The following RPS5 variants were observed in gnomAD, a reference collection of about 807,000 sequenced individuals.
RPS5 encodes ribosomal protein S5, also known as small ribosomal subunit protein uS7.
In RPS5, 2 loss-of-function variants were observed where a neutral mutation model predicts 20.9. The observed-to-expected ratio is 0.10, with a 90% CI of 0.04 to 0.30. The LOEUF (loss-of-function observed/expected upper bound fraction) is 0.30, where lower values mean the gene tolerates loss of function less well. Ranked by LOEUF, RPS5 falls within the 10% of genes least tolerant of loss-of-function variation. RPS5 has a pLI of 1.00. For missense variants in RPS5, 122 were observed against 287.2 expected, an observed-to-expected ratio of 0.42 and a Z score of 4.16; for synonymous variants, 112 against 105.8, an observed-to-expected ratio of 1.06 and a Z score of -0.36.
At chr19:58,391,894 C>G (rs1377848143) in intron 2 of RPS5, among the ~76,000 whole-genome samples, 1 of 152,052 alleles carries the variant, frequency 6.6e-6, no homozygotes, top group Non-Finnish European at 1.5e-5. Context: ...CCACTGCCCT[C>G]CAGCCTGGAA....
At position 58,394,504 on chromosome 19, in the gene RPS5, G is replaced by T; in HGVS notation, c.455G>T (p.Trp152Leu). The change falls in exon 5 of 6, where the codon TGG (tryptophan) becomes TTG (leucine). Residue 152 changes from tryptophan to leucine, a missense_variant. By Grantham distance (61) the Trp-to-Leu change is moderately conservative. Around this residue, in one of 6 missense-constraint regions of RPS5, gnomAD observed 24 missense variants for 36.7 expected, o/e 0.65. Transcript: ENST00000196551. Reference sequence around the variant, plus strand: ...CCCCTGCTGTCTTCCTAGGCCATCTGGCTGCTGTGCACAGGCGCTCGTGAG... The same window carrying T: ...CCCCTGCTGTCTTCCTAGGCCATCTTGCTGCTGTGCACAGGCGCTCGTGAG... ...SPLRRVNQAI[W>L]LLCTGAREAA... is the part of the protein sequence containing the mutation. 1 of 1,614,012 alleles carries T rather than the reference G, an allele frequency of 6.2e-7. No individual in the cohort carries two copies. Among genetic ancestry groups the T allele is most frequent in the Non-Finnish European group, 8.5e-7 (1 of 1,179,998 alleles).
intron 4 of RPS5, 161 bp from the exon 5 acceptor site, chr19:58,394,334 CTT>C: frequency 1.6e-6 from 1 of 626,246 alleles, no homozygotes; most frequent in Non-Finnish European, 2.9e-6. Context: ...GACACTTGCT[CTT>C]GTGACCCTCT....
chr19:58,393,183 G>A lies in RPS5; in HGVS notation c.316G>A (p.Glu106Lys). The change falls in exon 3 of 6, where the codon GAG becomes AAG. Residue 106 changes from glutamate (E) to lysine (K), a missense_variant and splice_region_variant. Physicochemically the swap from Glu to Lys is moderately conservative, Grantham distance 56. Coordinates refer to ENST00000196551, the MANE Select transcript of RPS5 (RefSeq NM_001009.4). ...AFEIIHLLTG[E>K]NPLQVLVNAI... ...CGAGATCATACACCTGCTCACAGGC[G>A]AGGTAGGGCTCTGTGGCCTGGTGAG... 1.2e-6 allele frequency: 2 copies of A among 1,614,168 alleles called. No individual in the cohort carries two copies. The highest frequency in any genetic ancestry group is 8.5e-7 in the Non-Finnish European group (1 of 1,180,018).
chr19:58,388,512 C>T (rs983635709), intron 2 of RPS5: 2 of 532,394 alleles, frequency 3.8e-6, no homozygotes, highest in African/African-American at 3.9e-5. Flanking sequence ...TAGTAAAATA[C>T]ATAACATCCA....
intron 4 of RPS5, chr19:58,393,703 T>TTGGGTGTATATTTTTACAC: frequency 1.7e-6 from 1 of 585,242 alleles, no homozygotes; most frequent in Non-Finnish European, 3.0e-6. Flanking sequence ...TTTCTTTCCT[T>TTGGGTGTATATTTTTACAC]TGGGTGTATA....
Position 58,394,545 on chromosome 19 carries a change from A to G in RPS5, c.496A>G (p.Ile166Val). The change falls in exon 5 of 6, where the codon ATT becomes GTT. Residue 166 changes from isoleucine (I) to valine (V), a missense_variant. By Grantham distance (29) the Ile-to-Val change is conservative. Around this residue, in one of 6 missense-constraint regions of RPS5, gnomAD observed 24 missense variants for 36.7 expected, o/e 0.65. Transcript: ENST00000196551. ...TGAREAAFRN[I>V]KTIAECLADE... ...CGCTCGTGAGGCTGCCTTCCGGAAC[A>G]TTAAGACCATTGCTGAGTGCCTGGC... is the stretch of plus-strand genomic sequence containing the variant. 6.2e-7 allele frequency: 1 copy of G among 1,614,124 alleles called. No homozygotes were observed. Among genetic ancestry groups the G allele is most frequent in the Non-Finnish European group, 8.5e-7 (1 of 1,180,030 alleles).
intron 2 of RPS5, among the ~76,000 whole-genome samples, chr19:58,390,008 TCTCAGC>T (rs1257809846): frequency 6.7e-6 from 1 of 149,920 alleles, no homozygotes; most frequent in African/African-American, 2.5e-5. Flanking sequence ...GATTCTCCTG[TCTCAGC>T]CTCCCAAGTA....
At chr19:58,388,840 A>T (rs920908094) in intron 2 of RPS5, among the ~76,000 whole-genome samples, 2 of 151,918 alleles carry the variant, frequency 1.3e-5, no homozygotes, top group African/African-American at 4.8e-5. Context: ...CGAGTTAGCC[A>T]GGATGGTCTC....
rs1422063971 is a variant in RPS5, at chr19:58,392,964, C to G, written c.109-12C>G. The G allele has an allele frequency of 1.2e-6, 2 of 1,612,184 alleles. No homozygotes were observed. Among genetic ancestry groups the G allele is most frequent in the Admixed American group, 1.7e-5 (1 of 59,962 alleles). ...CCATTTTCCCTTCATTTCCTGCTCC[C>G]TGCTGCCCCAGGATTACATTGCAGT... On this transcript the variant is annotated splice_polypyrimidine_tract_variant and intron_variant, in intron 2 of 5. Coordinates refer to ENST00000196551, the MANE Select transcript of RPS5 (RefSeq NM_001009.4).
intron 2 of RPS5, among the ~76,000 whole-genome samples, chr19:58,389,886 A>G (rs914029836): frequency 6.6e-6 from 1 of 150,660 alleles, no homozygotes; most frequent in Non-Finnish European, 1.5e-5. Context: ...CTGCCCGGCC[A>G]CATTTTAATT....
intron 1 of RPS5, 37 bp from the exon 2 acceptor site, chr19:58,388,100 G>C (rs763514342): frequency 3.1e-5 from 46 of 1,465,512 alleles, no homozygotes; most frequent in Non-Finnish European, 4.4e-5. Context: ...TGCTAGCTGA[G>C]CTCTGACGTT....
At chr19:58,390,426 C>CTTTTTTTT (rs61279930) in intron 2 of RPS5, among the ~76,000 whole-genome samples, 2 of 47,664 alleles carry the variant, frequency 4.2e-5, no homozygotes, top group African/African-American at 1.4e-4. Context: ...GCCACTGTTA[C>CTTTTTTTT]TTTTTTTTTT....
In RPS5 at chr19:58,388,096, C is replaced by G. The variant is rs769481684; in HGVS notation, c.-1-41C>G. ...TGAGTGCGCCTTTGCTCCATGCTAG[C>G]TGAGCTCTGACGTTTTTTTCCTGTC... On this transcript the variant is annotated intron_variant, in intron 1 of 5. Coordinates refer to ENST00000196551, the MANE Select transcript of RPS5 (RefSeq NM_001009.4). 4.9e-6 allele frequency: 7 copies of G among 1,422,350 alleles called. No individual in the cohort carries two copies. In the African/African-American group the frequency reaches 8.4e-5, roughly 17 times the overall value. The allele number at this position is 1,422,350 out of a possible 1,614,324, so 88.1% of individuals were successfully genotyped here. A position where few individuals can be genotyped will look rare whatever the true frequency, so the allele number is the denominator to read the frequency against.
At chr19:58,390,348 C>G (rs2052354792) in intron 2 of RPS5, among the ~76,000 whole-genome samples, 1 of 151,552 alleles carries the variant, frequency 6.6e-6, no homozygotes, top group Admixed American at 6.6e-5. Flanking sequence ...GCATGAGCCA[C>G]TGCGCCCAGC....
At chr19:58,389,666 C>T (rs1008138150) in intron 2 of RPS5, among the ~76,000 whole-genome samples, 5 of 151,734 alleles carry the variant, frequency 3.3e-5, no homozygotes, top group Admixed American at 2.6e-4. Context: ...AACGGAGTTT[C>T]GCTCTTATTG....
At chr19:58,391,602 C>G (rs1318241410) in intron 2 of RPS5, among the ~76,000 whole-genome samples, 7 of 151,152 alleles carry the variant, frequency 4.6e-5, no homozygotes, top group Admixed American at 6.6e-5. Flanking sequence ...GACTCCATCT[C>G]AAAAACAAAC....
intron 4 of RPS5, 159 bp from the exon 5 acceptor site, chr19:58,394,338 T>G: frequency 1.6e-6 from 1 of 629,046 alleles, no homozygotes; most frequent in Non-Finnish European, 2.9e-6. Flanking sequence ...CTTGCTCTTG[T>G]GACCCTCTAT....
chr19:58,393,833 C>T, intron 4 of RPS5: 1 of 246,704 alleles, frequency 4.1e-6, no homozygotes, highest in Non-Finnish European at 7.7e-6. Context: ...ACAAAGATGA[C>T]CTACCCCCGT....
chr19:58,391,235 C>T (rs1320141384), intron 2 of RPS5, among the ~76,000 whole-genome samples: 3 of 151,884 alleles, frequency 2.0e-5, no homozygotes, highest in East Asian at 1.9e-4. Flanking sequence ...GGTTTGAGAC[C>T]AGCCTGGCCA....
Sources: gnomAD v4.1 joint callset for allele counts (sites outside exome capture counted in the v4.1 genomes callset) on GRCh38, gnomAD v4.1.1 for gene constraint, gnomAD v4.1.1 regional missense constraint, MANE v1.5 for transcripts, NCBI Gene and HGNC (gene_info 2026-07-23, HGNC 2026-07-21) for gene names.